KDM7A: variants seen among roughly 807,000 people sequenced by gnomAD.
The protein encoded by KDM7A is lysine demethylase 7A.
KDM7A carries 28 observed loss-of-function variants against 114.8 expected under a neutral mutation model. The ratio of observed to expected loss-of-function variants is 0.24; its 90% confidence interval spans 0.18 to 0.33. The LOEUF (loss-of-function observed/expected upper bound fraction) is 0.33. Among genes scored for constraint, KDM7A ranks in the 10% least tolerant of loss-of-function variants. KDM7A has a pLI of 1.00. For synonymous variants in KDM7A, 423 were observed against 397.8 expected, an observed-to-expected ratio of 1.06 and a Z score of -0.75; for missense variants, 942 against 1,142.5, an observed-to-expected ratio of 0.82 and a Z score of 2.53.
At chr7:140,155,616 T>C (rs1003732994) in intron 1 of KDM7A, among the ~76,000 whole-genome samples, 2 of 152,112 alleles carry the variant, frequency 1.3e-5, no homozygotes, top group African/African-American at 4.8e-5. Context: ...GAAAACAAAA[T>C]TAGGAGACAG....
At chr7:140,121,964 T>C (rs57740475) in intron 7 of KDM7A, among the ~76,000 whole-genome samples, 401 of 152,326 alleles carry the variant, frequency 2.6e-3, no homozygotes, top group African/African-American at 7.7e-3. Flanking sequence ...TCTCCAAATA[T>C]GGTCCCCATA....
rs1435571033 is a variant in KDM7A, at chr7:140,159,758, A to G, written c.194+16986T>C. On this transcript the variant is annotated intron_variant, in intron 1 of 19. Coordinates refer to ENST00000397560, the MANE Select transcript of KDM7A (RefSeq NM_030647.2). ...TCAAGAGGACCTCAGGACCCATATA[A>G]CCACAAGAATGGCTAGACCTGATGG... 2.6e-5 allele frequency among the ~76,000 whole-genome samples: 4 copies of G among 152,122 alleles called. No individual in the cohort carries two copies. The East Asian group carries it at 7.7e-4, about 29-fold the overall frequency.
chr7:140,110,845 ATTTT>A (rs371158464), intron 11 of KDM7A, among the ~76,000 whole-genome samples: 2 of 151,910 alleles, frequency 1.3e-5, no homozygotes, highest in African/African-American at 4.8e-5. Context: ...TGTATTTTTG[ATTTT>A]TTTTAAGTAT....
At chr7:140,124,059 G>T (rs1818658590) in intron 7 of KDM7A, among the ~76,000 whole-genome samples, 1 of 134,408 alleles carries the variant, frequency 7.4e-6, no homozygotes. Context: ...GACAGAGCAA[G>T]ACTCTGTCTC....
At position 140,090,351 on chromosome 7, in the gene KDM7A, A is replaced by C. The variant is rs1171232676; in HGVS notation, c.*743T>G. Reference sequence around the variant, plus strand: ...GTTTCCCTGCAAAGAGAAGAGTCTTACTGGGTCATCACAAAATGATGGGGA... The same window carrying C: ...GTTTCCCTGCAAAGAGAAGAGTCTTCCTGGGTCATCACAAAATGATGGGGA... On this transcript the variant is annotated 3_prime_UTR_variant, in exon 20 of 20. Coordinates refer to ENST00000397560, the MANE Select transcript of KDM7A (RefSeq NM_030647.2). The C allele has an allele frequency of 6.6e-6, 1 of 152,210 alleles. No individual in the cohort carries two copies. The highest frequency in any genetic ancestry group is 1.5e-5 in the Non-Finnish European group (1 of 68,026). The allele number at this position is 152,210 out of a possible 1,614,324, so 9.4% of individuals were successfully genotyped here.
intron 11 of KDM7A, among the ~76,000 whole-genome samples, chr7:140,110,844 G>T (rs569474403): frequency 7.2e-5 from 11 of 151,976 alleles, no homozygotes; most frequent in African/African-American, 2.4e-4. Context: ...CTGTATTTTT[G>T]ATTTTTTTTA....
chr7:140,171,557 AT>A (rs376064363), intron 1 of KDM7A, among the ~76,000 whole-genome samples: 2 of 108,320 alleles, frequency 1.8e-5, no homozygotes, highest in East Asian at 2.8e-4. Flanking sequence ...ATATATATTT[AT>A]TTTTATATAT....
chr7:140,110,245 TGA>T lies in KDM7A; in HGVS notation c.1428+848_1428+849del, dbSNP rs1818410272. 2.0e-5 allele frequency among the ~76,000 whole-genome samples: 3 copies of T among 152,358 alleles called. No homozygotes were observed. In the South Asian group the frequency reaches 6.2e-4, roughly 32 times the overall value. On this transcript the variant is annotated intron_variant, in intron 11 of 19. Transcript: ENST00000397560. The stretch of plus-strand genomic sequence containing the variant: ...TATTCTTCATGTTGGTTATCATGCA[TGA>T]GATTTATATATGTATAAACTTACAT...
chr7:140,153,491 GAA>G (rs78679615), intron 1 of KDM7A, among the ~76,000 whole-genome samples: 4 of 131,596 alleles, frequency 3.0e-5, no homozygotes, highest in Middle Eastern at 3.8e-3. Flanking sequence ...GTCTCAAAAA[GAA>G]AAAAAAAAAA....
At chr7:140,102,251 A>G in intron 11 of KDM7A, 91 bp from the exon 12 acceptor site, 2 of 960,808 alleles carry the variant, frequency 2.1e-6, no homozygotes, top group South Asian at 3.0e-5. Flanking sequence ...TTCAGAAAAC[A>G]AAAACCATTC....
chr7:140,173,800 T>C (rs1794672088), intron 1 of KDM7A, among the ~76,000 whole-genome samples: 1 of 152,198 alleles, frequency 6.6e-6, no homozygotes, highest in Non-Finnish European at 1.5e-5. Context: ...ACTCATTTTA[T>C]GGTACAGTAA....
rs1363577904 is a variant in KDM7A at position 140,088,564 on chromosome 7, G to C, written c.*2530C>G. ...TACCACAAAGTTCAGCCATTTCCAT[G>C]AGATAAAGGGATGCATTATGGCCAG... On this transcript the variant is annotated 3_prime_UTR_variant, in exon 20 of 20. Transcript: ENST00000397560. 2.5e-6 allele frequency: 1 copy of C among 398,120 alleles called. No homozygotes were observed. The highest frequency in any genetic ancestry group is 4.4e-5 in the Admixed American group (1 of 22,696). The allele number at this position is 398,120 out of a possible 1,614,324, so 24.7% of individuals were successfully genotyped here.
In KDM7A at chr7:140,141,857, G is replaced by C. The variant is rs370498855; in HGVS notation, c.195-2667C>G. On this transcript the variant is annotated intron_variant, in intron 1 of 19. Transcript: ENST00000397560. ...TGCAGTGAACCGAAATCACACCATT[G>C]CACTCCAGCCTGGGTGATACAGTGA... 1.3e-4 allele frequency among the ~76,000 whole-genome samples: 19 copies of C among 151,206 alleles called. No homozygotes were observed. In the East Asian group the frequency reaches 3.3e-3, roughly 26 times the overall value.
chr7:140,127,452 A>C lies in KDM7A; in HGVS notation c.691T>G (p.Ser231Ala). Reference sequence around the variant, plus strand: ...CCCAGAACTACTCACTTTGTATCTGAAAATTCAAGGCTGATCACATTTAAC... The same window carrying C: ...CCCAGAACTACTCACTTTGTATCTGCAAATTCAAGGCTGATCACATTTAAC... ...KVLNVISLEF[S>A]DTKMSELVEV... The change falls in exon 5 of 20, where the codon TCA (serine) becomes GCA (alanine). Residue 231 changes from serine (S) to alanine (A), a missense_variant. This residue lies in a region of KDM7A where 318 missense variants were observed against 453.1 expected (regional missense o/e 0.70). Coordinates refer to ENST00000397560, the MANE Select transcript of KDM7A (RefSeq NM_030647.2). 1 of 1,612,674 alleles carries C rather than the reference A, an allele frequency of 6.2e-7. No individual in the cohort carries two copies. The highest frequency in any genetic ancestry group is 8.5e-7 in the Non-Finnish European group (1 of 1,179,566).
chr7:140,145,852 A>G (rs770913088), intron 1 of KDM7A, among the ~76,000 whole-genome samples: 19 of 152,352 alleles, frequency 1.2e-4, no homozygotes, highest in Non-Finnish European at 2.5e-4. Flanking sequence ...AGCATATCAT[A>G]AACTCTCCAT....
intron 2 of KDM7A, among the ~76,000 whole-genome samples, chr7:140,136,476 T>TA (rs1298522864): frequency 1.3e-5 from 2 of 152,136 alleles, no homozygotes; most frequent in African/African-American, 4.8e-5. Context: ...TAGTAATGGT[T>TA]AAAGGGAAAG....
intron 1 of KDM7A, among the ~76,000 whole-genome samples, chr7:140,174,914 G>C (rs1044725439): frequency 6.6e-6 from 1 of 152,044 alleles, no homozygotes; most frequent in East Asian, 1.9e-4. Flanking sequence ...CAAGCCTGGC[G>C]AGACAAATTT....
rs1452568961 is a variant in KDM7A, at chr7:140,088,614, G to A, written c.*2480C>T. 2 of 397,312 alleles carry A rather than the reference G, an allele frequency of 5.0e-6. No individual in the cohort carries two copies. Among genetic ancestry groups the A allele is most frequent in the Non-Finnish European group, 8.9e-6 (2 of 225,270 alleles). 24.6% of individuals were successfully genotyped at this position (397,312 alleles called of 1,614,324 possible). ...GTAATGTTATAAGACGTTTGACCAG[G>A]AGTCACTGGATCAGTGGCCGAATTT... On this transcript the variant is annotated 3_prime_UTR_variant, in exon 20 of 20. Transcript: ENST00000397560.
intron 1 of KDM7A, among the ~76,000 whole-genome samples, chr7:140,164,409 C>G (rs1397790302): frequency 6.6e-6 from 1 of 152,176 alleles, no homozygotes; most frequent in Non-Finnish European, 1.5e-5. Context: ...TGCCCTCTAC[C>G]TACTAGCTGC....
Sources: gnomAD v4.1 joint callset for allele counts (sites outside exome capture counted in the v4.1 genomes callset) on GRCh38, gnomAD v4.1.1 for gene constraint, gnomAD v4.1.1 regional missense constraint, MANE v1.5 for transcripts, NCBI Gene and HGNC (gene_info 2026-07-23, HGNC 2026-07-21) for gene names.